The following IGSF21 variants were observed in gnomAD, a reference collection of about 807,000 sequenced individuals.
IGSF21 encodes the protein immunoglobulin superfamily member 21.
Under a neutral mutation model 46.8 loss-of-function variants are expected in IGSF21, and 28 were observed. The observed-to-expected ratio is 0.60, with a 90% CI of 0.44 to 0.82. The LOEUF (loss-of-function observed/expected upper bound fraction) is 0.82. IGSF21 is among the 40% of genes least tolerant of loss of function. The pLI is 0.00. For missense variants in IGSF21, 624 were observed against 665.5 expected (o/e 0.94, Z 0.69); for synonymous variants, 284 against 273.6 (o/e 1.04, Z -0.38).
At position 18,273,450 on chromosome 1, in the gene IGSF21, CTTT is replaced by C. The variant is rs1221179251; in HGVS notation, c.184-18415_184-18413del. On this transcript the variant is annotated intron_variant, in intron 2 of 9. Transcript: ENST00000251296. The stretch of plus-strand genomic sequence containing the variant: ...CTTTCCTTTCTTTCTTTCTCACTTT[CTTT>C]CTTTCTCTCTCTTTCTTTCTTTCTT... 1.5e-3 allele frequency among the ~76,000 whole-genome samples: 128 copies of C among 84,568 alleles called. 1 individual carries two copies. The highest frequency in any genetic ancestry group is 6.4e-3 in the African/African-American group (121 of 18,970). The allele number at this position is 84,568 out of a possible 152,430, so 55.5% of individuals were successfully genotyped here. A position where few individuals can be genotyped will look rare whatever the true frequency, so the allele number is the denominator to read the frequency against.
intron 1 of IGSF21, among the ~76,000 whole-genome samples, chr1:18,154,435 A>G (rs1197400414): frequency 6.6e-6 from 1 of 152,108 alleles, no homozygotes; most frequent in African/African-American, 2.4e-5. Flanking sequence ...AGGAGATATC[A>G]GTGGGCAGCC....
intron 1 of IGSF21, among the ~76,000 whole-genome samples, chr1:18,207,658 G>A (rs1384232587): frequency 6.6e-6 from 1 of 152,208 alleles, no homozygotes; most frequent in African/African-American, 2.4e-5. Context: ...ATATCACTGG[G>A]GAGCTGAAAC....
intron 1 of IGSF21, among the ~76,000 whole-genome samples, chr1:18,189,227 C>A (rs2086932669): frequency 6.6e-6 from 1 of 152,220 alleles, no homozygotes; most frequent in South Asian, 2.1e-4. Context: ...CTATGTAGTT[C>A]TCTCTCTCGC....
intron 1 of IGSF21, among the ~76,000 whole-genome samples, chr1:18,179,603 G>A (rs563931246): frequency 2.0e-5 from 3 of 152,076 alleles, no homozygotes; most frequent in African/African-American, 4.8e-5. Context: ...CCCTGGGCAC[G>A]GTCCCTACTG....
At chr1:18,358,520 C>T (rs1401513) in intron 4 of IGSF21, among the ~76,000 whole-genome samples, 81,613 of 152,064 alleles carry the variant, frequency 0.54, 22,963 homozygotes, top group Non-Finnish European at 0.61. Flanking sequence ...GGCTGCTCTA[C>T]GGGACAGCCC....
chr1:18,291,484 G>A (rs2085266334), intron 2 of IGSF21, among the ~76,000 whole-genome samples: 1 of 152,184 alleles, frequency 6.6e-6, no homozygotes, highest in Admixed American at 6.5e-5. Flanking sequence ...GAGAAGCTGA[G>A]CTCCTTTGCT....
In IGSF21 at chr1:18,378,370, G is replaced by T; in HGVS notation, c.*44G>T. The T allele has an allele frequency of 6.8e-7, 1 of 1,474,714 alleles. No individual in the cohort carries two copies. The highest frequency in any genetic ancestry group is 1.2e-5 in the South Asian group (1 of 86,874). 91.4% of individuals were successfully genotyped at this position (1,474,714 alleles called of 1,614,324 possible). On this transcript the variant is annotated 3_prime_UTR_variant, in exon 10 of 10. Coordinates refer to ENST00000251296, the MANE Select transcript of IGSF21 (RefSeq NM_032880.5). The stretch of plus-strand genomic sequence containing the variant: ...CTCCATCAGGCACTGACATCTCCAC[G>T]ACCGGTTTTCATTTCTTTTCTAAAC...
chr1:18,260,214 G>A (rs2084933719), intron 2 of IGSF21, among the ~76,000 whole-genome samples: 1 of 152,240 alleles, frequency 6.6e-6, no homozygotes, highest in Non-Finnish European at 1.5e-5. Context: ...GATGGTCCGA[G>A]GAGAGTGAAA....
At chr1:18,208,376 A>ATATATATATAT (rs1557588190) in intron 1 of IGSF21, among the ~76,000 whole-genome samples, 1 of 22,034 alleles carries the variant, frequency 4.5e-5, no homozygotes, top group African/African-American at 1.8e-4. Flanking sequence ...GTTTAGGAAT[A>ATATATATATAT]ATATATATAT....
At chr1:18,250,186 T>A (rs1283000541) in intron 2 of IGSF21, among the ~76,000 whole-genome samples, 2 of 149,716 alleles carry the variant, frequency 1.3e-5, no homozygotes, top group Non-Finnish European at 3.0e-5. Flanking sequence ...CCCCAGGGAA[T>A]TCACATGTGT....
chr1:18,136,435 A>G (rs2086368141), intron 1 of IGSF21, among the ~76,000 whole-genome samples: 1 of 152,234 alleles, frequency 6.6e-6, no homozygotes, highest in African/African-American at 2.4e-5. Flanking sequence ...TAATTGTTGT[A>G]TAAAGTGTAA....
chr1:18,326,063 A>T (rs1469516408), intron 3 of IGSF21, among the ~76,000 whole-genome samples: 1 of 142,530 alleles, frequency 7.0e-6, no homozygotes, highest in Non-Finnish European at 1.5e-5. Flanking sequence ...TTTTCCAGGG[A>T]GTAGCAAACC....
intron 4 of IGSF21, among the ~76,000 whole-genome samples, chr1:18,360,576 C>T (rs924230210): frequency 6.6e-6 from 1 of 152,096 alleles, no homozygotes; most frequent in Non-Finnish European, 1.5e-5. Context: ...AGAGTGAAAA[C>T]CCCCTGAAGG....
intron 3 of IGSF21, among the ~76,000 whole-genome samples, chr1:18,313,250 A>G (rs1170043997): frequency 6.6e-6 from 1 of 152,160 alleles, no homozygotes; most frequent in Admixed American, 6.5e-5. Flanking sequence ...GCCCCACCTC[A>G]GGTGGATCCC....
intron 3 of IGSF21, among the ~76,000 whole-genome samples, chr1:18,310,055 G>A (rs927595999): frequency 4.6e-5 from 7 of 152,240 alleles, no homozygotes; most frequent in Non-Finnish European, 2.9e-5. Context: ...CCCCAGTCCC[G>A]CCTGTGGCTG....
chr1:18,268,458 G>A (rs2085010891), intron 2 of IGSF21, among the ~76,000 whole-genome samples: 1 of 152,188 alleles, frequency 6.6e-6, no homozygotes, highest in South Asian at 2.1e-4. Flanking sequence ...GGCTGTGGCT[G>A]GGGGTGTCAG....
chr1:18,272,657 G>A lies in IGSF21; in HGVS notation c.184-19209G>A, dbSNP rs182326583. 2.0e-5 allele frequency among the ~76,000 whole-genome samples: 3 copies of A among 152,384 alleles called. No individual in the cohort carries two copies. The East Asian group carries it at 5.8e-4, about 29-fold the overall frequency. ...CTTTGGAATGAGTGGTTTGGAAGAA[G>A]CTGGATCTCTTAATAGGTTGAGTGT... On this transcript the variant is annotated intron_variant, in intron 2 of 9. Transcript: ENST00000251296.
intron 1 of IGSF21, among the ~76,000 whole-genome samples, chr1:18,197,864 C>G (rs1431654241): frequency 2.0e-5 from 3 of 152,226 alleles, no homozygotes; most frequent in Non-Finnish European, 2.9e-5. Flanking sequence ...AGTGTCAGCT[C>G]CTGTCACTGT....
intron 1 of IGSF21, among the ~76,000 whole-genome samples, chr1:18,200,152 G>C (rs1449087941): frequency 6.6e-6 from 1 of 152,188 alleles, no homozygotes; most frequent in African/African-American, 2.4e-5. Flanking sequence ...CTTCCCAACT[G>C]CATGATGGTC....
Sources: allele counts gnomAD v4.1 joint callset (sites outside exome capture counted in the v4.1 genomes callset), GRCh38; gene constraint gnomAD v4.1.1; transcripts MANE v1.5; gene names NCBI Gene and HGNC (gene_info 2026-07-23, HGNC 2026-07-21).